Variants in ME1 observed in about 807,000 individuals in gnomAD.
ME1 encodes malic enzyme 1, also known as NADP-dependent malic enzyme.
Under a neutral mutation model 66.4 loss-of-function variants are expected in ME1, and 74 were observed. That is an observed-to-expected ratio of 1.11 (90% CI 0.92 to 1.35). The LOEUF is 1.35. Ranked by LOEUF, ME1 falls within the 40% of genes most tolerant of loss-of-function variation. ME1 has a pLI of 0.00. For missense variants in ME1, 750 were observed against 694.1 expected (o/e 1.08, Z -0.90); for synonymous variants, 251 against 235.6 (o/e 1.07, Z -0.60).
At chr6:83,246,366 C>G (rs1217954886) in intron 7 of ME1, among the ~76,000 whole-genome samples, 1 of 151,940 alleles carries the variant, frequency 6.6e-6, no homozygotes, top group African/African-American at 2.4e-5. Flanking sequence ...ACCTGTAATC[C>G]CACTGTGTAG....
chr6:83,341,297 T>C (rs898102020), intron 5 of ME1, among the ~76,000 whole-genome samples: 1 of 152,206 alleles, frequency 6.6e-6, no homozygotes, highest in African/African-American at 2.4e-5. Flanking sequence ...TCCCTATGCA[T>C]CTCTTCTTTT....
chr6:83,275,275 C>G (rs1767155632), intron 6 of ME1, among the ~76,000 whole-genome samples: 1 of 151,054 alleles, frequency 6.6e-6, no homozygotes, highest in Non-Finnish European at 1.5e-5. Context: ...TGGAGGTTGC[C>G]GTGAGCAGAG....
chr6:83,409,967 T>C (rs964482816), intron 1 of ME1, among the ~76,000 whole-genome samples: 1 of 152,194 alleles, frequency 6.6e-6, no homozygotes, highest in African/African-American at 2.4e-5. Context: ...AATCATCCTC[T>C]CCTGGACCTA....
intron 6 of ME1, among the ~76,000 whole-genome samples, chr6:83,262,160 G>GT (rs1766911955): frequency 6.6e-6 from 1 of 152,120 alleles, no homozygotes; most frequent in African/African-American, 2.4e-5. Flanking sequence ...TATGTGCACA[G>GT]GCCATCTGAT....
intron 1 of ME1, among the ~76,000 whole-genome samples, chr6:83,409,535 C>A (rs1379283920): frequency 1.3e-5 from 2 of 152,196 alleles, no homozygotes; most frequent in Non-Finnish European, 2.9e-5. Context: ...AATGAATGAA[C>A]AATCCTCTCT....
Position 83,290,819 on chromosome 6 carries a change from T to C in ME1, c.704+24491A>G, listed in dbSNP as rs969856803. 4.6e-5 allele frequency among the ~76,000 whole-genome samples: 7 copies of C among 152,318 alleles called. No homozygotes were observed. The East Asian group carries it at 1.4e-3, about 29-fold the overall frequency. ...TCTGGGTGCTCCTGTATTGGGTGCA[T>C]ATATATTTAGGATAGTTAGCTCTTC... On this transcript the variant is annotated intron_variant, in intron 6 of 13. Transcript: ENST00000369705.
At chr6:83,357,923 CTCTCTCTCTCTCTA>C (rs1463791621) in intron 3 of ME1, among the ~76,000 whole-genome samples, 2 of 57,054 alleles carry the variant, frequency 3.5e-5, no homozygotes, top group Non-Finnish European at 7.1e-5. Context: ...CTCTCTCTCT[CTCTCTCTCTCTCTA>C]TATATATATA....
rs142319403 is a variant in ME1, at chr6:83,359,564, G to A, written c.363-7425C>T. ...AAAAGTTCTAATAGTTTATTTACTT[G>A]GTTAGCTGAAATATGGATTAAAAGA... On this transcript the variant is annotated intron_variant, in intron 3 of 13. Coordinates refer to ENST00000369705, the MANE Select transcript of ME1 (RefSeq NM_002395.6). Among the ~76,000 whole-genome samples the A allele has an allele frequency of 5.1e-4, 77 of 152,272 alleles. 1 individual carries two copies. Among genetic ancestry groups the A allele is most frequent in the African/African-American group, 1.7e-3 (71 of 41,536 alleles).
At chr6:83,358,087 G>T (rs960200991) in intron 3 of ME1, among the ~76,000 whole-genome samples, 1 of 150,838 alleles carries the variant, frequency 6.6e-6, no homozygotes, top group African/African-American at 2.4e-5. Context: ...TAGTGGAAAA[G>T]AATATTAAGG....
rs1458672882 is a variant in ME1, at chr6:83,210,889, G to C, written c.*1035C>G. The C allele has an allele frequency of 6.6e-6, 1 of 152,126 alleles. No homozygotes were observed. The highest frequency in any genetic ancestry group is 1.9e-4 in the East Asian group (1 of 5,196). The allele number at this position is 152,126 out of a possible 1,614,324, so 9.4% of individuals were successfully genotyped here. On this transcript the variant is annotated 3_prime_UTR_variant, in exon 14 of 14. Transcript: ENST00000369705. Reference sequence around the variant, plus strand: ...ATCAAGATATTTTAATCTTATGTAAGGACATTTCTGATACTGGGAACTTAA... The same window carrying C: ...ATCAAGATATTTTAATCTTATGTAACGACATTTCTGATACTGGGAACTTAA...
At chr6:83,213,317 G>A (rs543734212) in intron 13 of ME1, among the ~76,000 whole-genome samples, 4 of 151,050 alleles carry the variant, frequency 2.6e-5, no homozygotes, top group African/African-American at 7.3e-5. Flanking sequence ...CTAGCTACTC[G>A]GGAGGCTGAG....
intron 5 of ME1, among the ~76,000 whole-genome samples, chr6:83,331,510 C>T (rs538722196): frequency 7.3e-5 from 11 of 150,508 alleles, no homozygotes; most frequent in South Asian, 2.1e-4. Flanking sequence ...TGCTTGAACC[C>T]GGGAGGCGGA....
chr6:83,293,337 G>A (rs1145910), intron 6 of ME1, among the ~76,000 whole-genome samples: 52,787 of 151,948 alleles, frequency 0.35, 9,392 homozygotes, highest in Middle Eastern at 0.49. Flanking sequence ...TGTATTCACA[G>A]CATCGTACAA....
At chr6:83,285,016 T>C (rs1767370689) in intron 6 of ME1, among the ~76,000 whole-genome samples, 1 of 152,226 alleles carries the variant, frequency 6.6e-6, no homozygotes, top group Admixed American at 6.5e-5. Context: ...TGAATAGCAC[T>C]GTGATAAACA....
intron 12 of ME1, among the ~76,000 whole-genome samples, chr6:83,223,375 G>A (rs1171156213): frequency 6.6e-6 from 1 of 152,102 alleles, no homozygotes; most frequent in African/African-American, 2.4e-5. Flanking sequence ...AGCTGGCCTC[G>A]AACTCCTGGG....
chr6:83,350,742 C>T (rs1768784346), intron 4 of ME1, among the ~76,000 whole-genome samples: 1 of 152,132 alleles, frequency 6.6e-6, no homozygotes, highest in South Asian at 2.1e-4. Flanking sequence ...CCCACCTCGG[C>T]CTCCCAAAGT....
intron 11 of ME1, among the ~76,000 whole-genome samples, chr6:83,224,694 AAAAT>A (rs201249055): frequency 0.013 from 1,446 of 112,114 alleles, 11 homozygotes; most frequent in African/African-American, 0.028. Context: ...AAAAAAAAAA[AAAAT>A]AAAAATAATA....
At chr6:83,374,222 T>C (rs1425087706) in intron 3 of ME1, among the ~76,000 whole-genome samples, 1 of 152,206 alleles carries the variant, frequency 6.6e-6, no homozygotes, top group Non-Finnish European at 1.5e-5. Context: ...CCACGAACAA[T>C]GTAAAAGCAT....
chr6:83,256,873 G>A lies in ME1; in HGVS notation c.705-3135C>T, dbSNP rs556786392. Among the ~76,000 whole-genome samples, 3 of 152,280 alleles carry A rather than the reference G, an allele frequency of 2.0e-5. 1 individual carries two copies. In the South Asian group the frequency reaches 6.2e-4, roughly 32 times the overall value. On this transcript the variant is annotated intron_variant, in intron 6 of 13. Coordinates refer to ENST00000369705, the MANE Select transcript of ME1 (RefSeq NM_002395.6). ...ATACTATGCAGCCATAAAAAAGGAT[G>A]AGTTCATGTCCTTTGCAAGGACATG...
Sources: gnomAD v4.1 joint callset for allele counts (sites outside exome capture counted in the v4.1 genomes callset) on GRCh38, gnomAD v4.1.1 for gene constraint, MANE v1.5 for transcripts, NCBI Gene and HGNC (gene_info 2026-07-23, HGNC 2026-07-21) for gene names.